Variants in MEGF11 observed in about 807,000 individuals in gnomAD.
The protein encoded by MEGF11 is multiple EGF like domains 11.
Under a neutral mutation model 146.6 loss-of-function variants are expected in MEGF11, and 126 were observed. The observed-to-expected ratio is 0.86, with a 90% confidence interval of 0.74 to 1.00. The LOEUF is 1.00. Among genes scored for constraint, MEGF11 ranks in the 50% least tolerant of loss-of-function variants. The pLI is 0.00. For synonymous variants in MEGF11, 532 were observed against 583.4 expected, an observed-to-expected ratio of 0.91 and a Z score of 1.27; for missense variants, 1,509 against 1,521.2, an observed-to-expected ratio of 0.99 and a Z score of 0.13.
At chr15:66,249,934 C>G (rs2092347544) in intron 1 of MEGF11, among the ~76,000 whole-genome samples, 1 of 152,208 alleles carries the variant, frequency 6.6e-6, no homozygotes, top group African/African-American at 2.4e-5. Context: ...TAAATTGAAT[C>G]CTGTATCAGG....
intron 1 of MEGF11, among the ~76,000 whole-genome samples, chr15:66,209,129 C>T (rs4581663): frequency 0.81 from 122,928 of 152,006 alleles, 49,943 homozygotes; most frequent in Middle Eastern, 0.86. Flanking sequence ...GGCGGGTGGA[C>T]CACAAGGTCA....
intron 5 of MEGF11, among the ~76,000 whole-genome samples, chr15:66,009,392 T>A (rs555863559): frequency 1.3e-5 from 2 of 152,006 alleles, no homozygotes; most frequent in African/African-American, 4.8e-5. Flanking sequence ...GGAAGTGTCC[T>A]TGGGGATGCT....
intron 10 of MEGF11, among the ~76,000 whole-genome samples, chr15:65,950,472 G>T (rs1371285954): frequency 2.0e-5 from 3 of 151,996 alleles, no homozygotes; most frequent in African/African-American, 7.3e-5. Flanking sequence ...CAGCTACTTG[G>T]GAGGTTGAGG....
rs1365067742 is a variant in MEGF11 at position 66,017,661 on chromosome 15, GCT to G, written c.395-35175_395-35174del. ...ACACCCTTCTCCTCAGTACCCACAG[GCT>G]CGGCTCCACTTGCTAGAGGGGTCTG... On this transcript the variant is annotated intron_variant, in intron 5 of 25. Transcript: ENST00000395614. Among the ~76,000 whole-genome samples, 5 of 152,174 alleles carry G rather than the reference GCT, an allele frequency of 3.3e-5. No individual in the cohort carries two copies. In the East Asian group the frequency reaches 7.7e-4, roughly 23 times the overall value.
At chr15:65,934,239 TTTTGTTTG>T (rs369614003) in intron 10 of MEGF11, among the ~76,000 whole-genome samples, 14 of 151,830 alleles carry the variant, frequency 9.2e-5, no homozygotes, top group East Asian at 5.8e-4. Context: ...CAAAGTGAGT[TTTTGTTTG>T]TTTGTTTGTT....
chr15:66,248,146 C>A (rs1257621257), intron 1 of MEGF11, among the ~76,000 whole-genome samples: 1 of 152,172 alleles, frequency 6.6e-6, no homozygotes, highest in Non-Finnish European at 1.5e-5. Context: ...GCCTTTTCTG[C>A]CTCTGCTCAT....
At chr15:66,253,067 C>T (rs915382141) in intron 1 of MEGF11, among the ~76,000 whole-genome samples, 2 of 152,266 alleles carry the variant, frequency 1.3e-5, no homozygotes, top group Non-Finnish European at 1.5e-5. Flanking sequence ...GCGTGCATGG[C>T]ACTTGCTGGG....
At chr15:66,095,425 A>T (rs2086501171) in intron 4 of MEGF11, among the ~76,000 whole-genome samples, 5 of 152,230 alleles carry the variant, frequency 3.3e-5, no homozygotes, top group Admixed American at 3.3e-4. Context: ...TCCTTAGACC[A>T]GATCTAGATG....
intron 1 of MEGF11, among the ~76,000 whole-genome samples, chr15:66,238,246 C>G (rs570889982): frequency 7.6e-4 from 115 of 152,314 alleles, no homozygotes; most frequent in African/African-American, 2.7e-3. Context: ...TGATCTAGGC[C>G]AGAAACGCCT....
chr15:66,138,703 GT>G (rs1182216733), intron 1 of MEGF11, among the ~76,000 whole-genome samples: 1 of 152,146 alleles, frequency 6.6e-6, no homozygotes, highest in African/African-American at 2.4e-5. Flanking sequence ...CCTAAGGATG[GT>G]CATTTAACCT....
chr15:65,921,562 T>C lies in MEGF11; in HGVS notation c.1957+776A>G, dbSNP rs563332026. The stretch of plus-strand genomic sequence containing the variant: ...AGCCTTCACCCAAATCCACACTGTC[T>C]TGTCCTAAGAAAGCCAGGGATGGCA... On this transcript the variant is annotated intron_variant, in intron 15 of 25. Coordinates refer to ENST00000395614, the MANE Select transcript of MEGF11 (RefSeq NM_001385028.1). 2.6e-5 allele frequency: 4 copies of C among 152,450 alleles called. No individual in the cohort carries two copies. In the East Asian group the frequency reaches 7.7e-4, roughly 29 times the overall value. The allele number at this position is 152,450 out of a possible 1,614,324, so 9.4% of individuals were successfully genotyped here.
chr15:66,177,210 G>A (rs1481704918), intron 1 of MEGF11, among the ~76,000 whole-genome samples: 1 of 152,160 alleles, frequency 6.6e-6, no homozygotes, highest in Non-Finnish European at 1.5e-5. Flanking sequence ...GGAGTTAAAA[G>A]CCAAGAAAAT....
chr15:66,134,079 G>T (rs974994450), intron 1 of MEGF11, among the ~76,000 whole-genome samples: 4 of 152,118 alleles, frequency 2.6e-5, no homozygotes, highest in Non-Finnish European at 5.9e-5. Context: ...CCATTAATCA[G>T]GGTCAAGAGA....
Position 65,934,182 on chromosome 15 carries a change from C to T in MEGF11, c.1288-3239G>A, listed in dbSNP as rs146527153. 5.2e-3 allele frequency among the ~76,000 whole-genome samples: 799 copies of T among 152,316 alleles called. 8 individuals carry two copies. Among genetic ancestry groups the T allele is most frequent in the East Asian group, 0.024 (123 of 5,178 alleles). ...CCTCTGATATTGTGAAATATAAGGT[C>T]TTCATCCAGTTTCCTGCCAAGCAAC... On this transcript the variant is annotated intron_variant, in intron 10 of 25. Transcript: ENST00000395614.
At chr15:66,224,966 C>A (rs533361453) in intron 1 of MEGF11, among the ~76,000 whole-genome samples, 1 of 152,106 alleles carries the variant, frequency 6.6e-6, no homozygotes, top group South Asian at 2.1e-4. Flanking sequence ...AGCCCAAGCA[C>A]GCCAGCCCCT....
At chr15:65,975,991 G>A (rs2660615) in intron 7 of MEGF11, among the ~76,000 whole-genome samples, 2 of 151,344 alleles carry the variant, frequency 1.3e-5, no homozygotes, top group African/African-American at 4.9e-5. Context: ...GCTATGGCCT[G>A]TGGTTTCTCT....
Position 66,008,981 on chromosome 15 carries a change from C to T in MEGF11, c.395-26493G>A, listed in dbSNP as rs182423681. ...AACCTAAATTTCTGTTCCAGCCTGC[C>T]TGCCAGGTGAGCTGGAGGCTGCTGA... On this transcript the variant is annotated intron_variant, in intron 5 of 25. Coordinates refer to ENST00000395614, the MANE Select transcript of MEGF11 (RefSeq NM_001385028.1). 2.0e-5 allele frequency among the ~76,000 whole-genome samples: 3 copies of T among 152,318 alleles called. No homozygotes were observed. In the East Asian group the frequency reaches 5.8e-4, roughly 29 times the overall value.
chr15:66,222,334 T>C (rs1206333872), intron 1 of MEGF11, among the ~76,000 whole-genome samples: 1 of 152,086 alleles, frequency 6.6e-6, no homozygotes. Context: ...GTGGGCCTTC[T>C]CCAGAGCAAA....
chr15:65,976,478 A>C (rs1364547686), intron 7 of MEGF11, among the ~76,000 whole-genome samples: 1 of 152,244 alleles, frequency 6.6e-6, no homozygotes, highest in African/African-American at 2.4e-5. Context: ...ATGTCCTTAC[A>C]AGAAGAGGAG....
Sources: gnomAD v4.1 joint callset for allele counts (sites outside exome capture counted in the v4.1 genomes callset) on GRCh38, gnomAD v4.1.1 for gene constraint, MANE v1.5 for transcripts, NCBI Gene and HGNC (gene_info 2026-07-23, HGNC 2026-07-21) for gene names.